The following IL16 variants were observed in gnomAD, a reference collection of about 807,000 sequenced individuals.
The protein encoded by IL16 is interleukin 16.
IL16 carries 67 observed loss-of-function variants against 110.1 expected under a neutral mutation model. The observed-to-expected ratio is 0.61, with a 90% CI of 0.50 to 0.75. IL16 has a LOEUF of 0.75. Ranked by LOEUF, IL16 falls within the 30% of genes least tolerant of loss-of-function variation. The pLI is 0.00. For missense variants in IL16, 1,545 were observed against 1,655.0 expected, an observed-to-expected ratio of 0.93 and a Z score of 1.15; for synonymous variants, 689 against 662.9, an observed-to-expected ratio of 1.04 and a Z score of -0.61.
At chr15:81,268,938 C>A (rs751827238) in intron 4 of IL16, among the ~76,000 whole-genome samples, 2 of 152,230 alleles carry the variant, frequency 1.3e-5, no homozygotes, top group Non-Finnish European at 2.9e-5. Context: ...GTCAGAAGAA[C>A]CCAGACAATG....
chr15:81,220,789 G>A (rs1348287335), intron 1 of IL16, among the ~76,000 whole-genome samples: 2 of 123,448 alleles, frequency 1.6e-5, no homozygotes, highest in African/African-American at 3.7e-5. Context: ...ACAAGTGCTT[G>A]TTGAATGAAA....
intron 6 of IL16, among the ~76,000 whole-genome samples, chr15:81,275,216 T>A (rs905762736): frequency 6.6e-6 from 1 of 151,544 alleles, no homozygotes; most frequent in African/African-American, 2.4e-5. Flanking sequence ...GCGATGTCCC[T>A]GGATGACCAC....
Position 81,308,956 on chromosome 15 carries a change from C to T in IL16, c.*158C>T. The T allele has an allele frequency of 1.8e-6, 1 of 562,776 alleles. No homozygotes were observed. Among genetic ancestry groups the T allele is most frequent in the Non-Finnish European group, 3.1e-6 (1 of 325,210 alleles). 34.9% of individuals were successfully genotyped at this position (562,776 alleles called of 1,614,324 possible). A position where few individuals can be genotyped will look rare whatever the true frequency, so the allele number is the denominator to read the frequency against. ...CCCAGGCCCAGACCTTCTAGGACGC[C>T]ACCCAGCAAAAGGTTGTTCCTAAAA... On this transcript the variant is annotated 3_prime_UTR_variant, in exon 19 of 19. Transcript: ENST00000683961.
chr15:81,267,505 C>CACACACAG (rs1555420217), intron 4 of IL16, among the ~76,000 whole-genome samples: 9 of 136,316 alleles, frequency 6.6e-5, no homozygotes, highest in African/African-American at 3.2e-4. Flanking sequence ...CACACACACA[C>CACACACAG]AGAGAGAGCG....
intron 1 of IL16, among the ~76,000 whole-genome samples, chr15:81,217,671 C>A (rs1003761214): frequency 6.6e-6 from 1 of 152,086 alleles, no homozygotes; most frequent in Non-Finnish European, 1.5e-5. Context: ...TTGAAAGAGA[C>A]GCACACTGTG....
At chr15:81,205,173 G>A (rs972524036) in intron 1 of IL16, among the ~76,000 whole-genome samples, 2 of 151,916 alleles carry the variant, frequency 1.3e-5, no homozygotes. Context: ...GGGCATAGTG[G>A]CACGTGCCTG....
chr15:81,266,067 A>C (rs908034917), intron 4 of IL16, among the ~76,000 whole-genome samples: 7 of 152,256 alleles, frequency 4.6e-5, no homozygotes, highest in Non-Finnish European at 8.8e-5. Context: ...TAACATGTAG[A>C]GAACACGGCA....
chr15:81,225,247 C>T, intron 1 of IL16, 52 bp from the exon 2 acceptor site: 1 of 1,414,690 alleles, frequency 7.1e-7, no homozygotes, highest in South Asian at 1.4e-5. Context: ...TGTGCAGCTC[C>T]ACTTGTCAGC....
chr15:81,225,923 T>C (rs1896775170), intron 2 of IL16, among the ~76,000 whole-genome samples: 1 of 152,186 alleles, frequency 6.6e-6, no homozygotes, highest in South Asian at 2.1e-4. Flanking sequence ...CTTGAGAGGT[T>C]CAGGGAAGCA....
intron 1 of IL16, among the ~76,000 whole-genome samples, chr15:81,183,339 C>T (rs1895373201): frequency 6.6e-6 from 1 of 152,214 alleles, no homozygotes; most frequent in African/African-American, 2.4e-5. Flanking sequence ...GGGAGCTGCT[C>T]AGCTCCGGGA....
intron 1 of IL16, among the ~76,000 whole-genome samples, chr15:81,212,523 G>A (rs537756798): frequency 6.6e-6 from 1 of 151,960 alleles, no homozygotes; most frequent in Non-Finnish European, 1.5e-5. Flanking sequence ...CCAGGCTGGA[G>A]TGCAGTGGTG....
chr15:81,279,745 GA>G lies in IL16; in HGVS notation c.1054del (p.Ile352SerfsTer65). On this transcript the variant is annotated frameshift_variant, in exon 8 of 19. Coordinates refer to ENST00000683961, the MANE Select transcript of IL16 (RefSeq NM_172217.5). LOFTEE classifies it high-confidence loss of function. The stretch of plus-strand genomic sequence containing the variant: ...ATCAGCACCGCCAAGCCCAATTACA[GA>G]ATCATGGTGGAGGTTTCTCTGCAGA... Reference protein sequence around the residue: ...APISTAKPNYRIMVEVSLQKE... With the variant: ...APISTAKPNYXIMVEVSLQKE... 3 of 1,614,238 alleles carry G rather than the reference GA, an allele frequency of 1.9e-6. No homozygotes were observed. Among genetic ancestry groups the G allele is most frequent in the Non-Finnish European group, 2.5e-6 (3 of 1,180,042 alleles).
Position 81,303,713 on chromosome 15 carries a change from C to A in IL16, c.3420+63C>A. 8.9e-7 allele frequency: 1 copy of A among 1,118,850 alleles called. No individual in the cohort carries two copies. Among genetic ancestry groups the A allele is most frequent in the Non-Finnish European group, 1.4e-6 (1 of 732,840 alleles). The allele number at this position is 1,118,850 out of a possible 1,614,324, so 69.3% of individuals were successfully genotyped here. ...GCAATGGTTCTGGGGGAGGGGGACA[C>A]ACTTGCCAGGAAGGGGCCCTGTGCT... On this transcript the variant is annotated intron_variant, in intron 16 of 18. Coordinates refer to ENST00000683961, the MANE Select transcript of IL16 (RefSeq NM_172217.5). This position sits in a 1 kb window ranked among gnomAD's most constrained non-coding sequence, Gnocchi z 4.1.
Position 81,311,925 on chromosome 15 carries a change from G to A in IL16, c.*3127G>A, listed in dbSNP as rs1900877003. ...ACTGAGCTGTCATGTTTTAAAGCTT[G>A]CTCACATCTTGGCACATTTAAGAGA... On this transcript the variant is annotated 3_prime_UTR_variant, in exon 19 of 19. Coordinates refer to ENST00000683961, the MANE Select transcript of IL16 (RefSeq NM_172217.5). The A allele has an allele frequency of 6.6e-6, 1 of 152,176 alleles. No homozygotes were observed. Among genetic ancestry groups the A allele is most frequent in the Non-Finnish European group, 1.5e-5 (1 of 68,038 alleles). The allele number at this position is 152,176 out of a possible 1,614,324, so 9.4% of individuals were successfully genotyped here.
chr15:81,268,250 C>T (rs1362406453), intron 4 of IL16, among the ~76,000 whole-genome samples: 1 of 152,194 alleles, frequency 6.6e-6, no homozygotes, highest in Non-Finnish European at 1.5e-5. Context: ...AGAAGAGCAG[C>T]TCGTTATCCA....
At chr15:81,232,860 G>T (rs956572369) in intron 2 of IL16, among the ~76,000 whole-genome samples, 11 of 152,066 alleles carry the variant, frequency 7.2e-5, no homozygotes, top group South Asian at 2.1e-4. Context: ...CAAACTATGG[G>T]TATTTTGACC....
intron 12 of IL16, 116 bp downstream of exon 12, chr15:81,293,153 C>A: frequency 1.8e-6 from 2 of 1,118,422 alleles, no homozygotes; most frequent in Non-Finnish European, 2.5e-6. Flanking sequence ...CCTGCTCCAC[C>A]AGAGAGAAAC....
At chr15:81,280,295 CA>C (rs1314307394) in intron 8 of IL16, among the ~76,000 whole-genome samples, 25 of 152,304 alleles carry the variant, frequency 1.6e-4, no homozygotes, top group African/African-American at 6.0e-4. Flanking sequence ...CAGCGAGGCA[CA>C]GAGCTGGGCT....
At chr15:81,257,997 GACAC>G (rs1237637359) in intron 2 of IL16, among the ~76,000 whole-genome samples, 2 of 151,878 alleles carry the variant, frequency 1.3e-5, no homozygotes, top group Non-Finnish European at 2.9e-5. Flanking sequence ...CACACACACA[GACAC>G]ACACACAGAT....
Sources: allele counts gnomAD v4.1 joint callset (sites outside exome capture counted in the v4.1 genomes callset), GRCh38; gene constraint gnomAD v4.1.1; non-coding constraint Gnocchi (gnomAD v3.1); transcripts MANE v1.5; gene names NCBI Gene and HGNC (gene_info 2026-07-23, HGNC 2026-07-21).